DLGAP2: variants seen among roughly 807,000 people sequenced by gnomAD.
DLGAP2 encodes disks large-associated protein 2.
In DLGAP2, 26 loss-of-function variants were observed where a neutral mutation model predicts 100.3. The ratio of observed to expected loss-of-function variants is 0.26; its 90% confidence interval spans 0.19 to 0.36. DLGAP2 has a LOEUF of 0.36. Ranked by LOEUF, DLGAP2 falls within the 10% of genes least tolerant of loss-of-function variation. The pLI, the probability that DLGAP2 is intolerant of heterozygous loss-of-function variation, is 1.00. For missense variants in DLGAP2, 1,858 were observed against 1,453.2 expected (o/e 1.28, Z -4.53); for synonymous variants, 886 against 630.1 (o/e 1.41, Z -6.08).
At chr8:1,373,881 A>C (rs747203480) in intron 3 of DLGAP2, 1 of 152,348 alleles carries the variant, frequency 6.6e-6, no homozygotes, top group Admixed American at 6.5e-5. Context: ...TCCACAGTAC[A>C]TGAAGCGCGG....
intron 3 of DLGAP2, among the ~76,000 whole-genome samples, chr8:1,273,500 C>T (rs1010545663): frequency 5.3e-5 from 8 of 152,162 alleles, no homozygotes; most frequent in African/African-American, 1.7e-4. Flanking sequence ...CCAGGAGTCT[C>T]GAGCTGCGGC....
intron 2 of DLGAP2, among the ~76,000 whole-genome samples, chr8:1,189,673 G>T (rs1160750017): frequency 1.3e-5 from 2 of 152,210 alleles, no homozygotes; most frequent in Non-Finnish European, 2.9e-5. Context: ...ATCAATGACA[G>T]GGCCGAGTTT....
At chr8:1,583,696 C>T (rs1221019806) in intron 6 of DLGAP2, among the ~76,000 whole-genome samples, 1 of 152,158 alleles carries the variant, frequency 6.6e-6, no homozygotes, top group Non-Finnish European at 1.5e-5. Context: ...CTCACAGCTT[C>T]CTTCAGATCA....
At chr8:1,447,634 T>C (rs1269036390) in intron 3 of DLGAP2, among the ~76,000 whole-genome samples, 1 of 152,250 alleles carries the variant, frequency 6.6e-6, no homozygotes, top group African/African-American at 2.4e-5. Flanking sequence ...TCTTTTTCTA[T>C]TGATTGGAAT....
At chr8:845,995 T>A (rs1797064717) in intron 1 of DLGAP2, among the ~76,000 whole-genome samples, 1 of 152,232 alleles carries the variant, frequency 6.6e-6, no homozygotes, top group African/African-American at 2.4e-5. Flanking sequence ...TCGTAAACGT[T>A]TGTTATTTGT....
intron 8 of DLGAP2, among the ~76,000 whole-genome samples, chr8:1,644,629 A>T (rs865949018): frequency 6.6e-6 from 1 of 152,258 alleles, no homozygotes; most frequent in African/African-American, 2.4e-5. Flanking sequence ...CTCCAGCCAC[A>T]TAGCACATTT....
intron 3 of DLGAP2, among the ~76,000 whole-genome samples, chr8:1,338,309 G>T (rs994428255): frequency 6.6e-6 from 1 of 152,188 alleles, no homozygotes; most frequent in African/African-American, 2.4e-5. Context: ...CTGGCCAAGG[G>T]ATAAAGTGCA....
At chr8:757,531 G>C (rs867714743) in intron 1 of DLGAP2, among the ~76,000 whole-genome samples, 1 of 152,132 alleles carries the variant, frequency 6.6e-6, no homozygotes, top group Non-Finnish European at 1.5e-5. Context: ...ATGAGCCTTT[G>C]CTTCATTTGG....
Position 1,543,056 on chromosome 8 carries a change from TTGTC to T in DLGAP2, c.173-5568_173-5565del, listed in dbSNP as rs1303978577. 2.0e-5 allele frequency among the ~76,000 whole-genome samples: 3 copies of T among 152,338 alleles called. No individual in the cohort carries two copies. In the East Asian group the frequency reaches 5.8e-4, roughly 29 times the overall value. On this transcript the variant is annotated intron_variant, in intron 4 of 14. Transcript: ENST00000637795. ...CTATGCCCATTATTATTTGGATTAT[TTGTC>T]TTATTATAATGGAGTTGTCAGATTT...
chr8:1,643,520 A>C (rs868790238), intron 8 of DLGAP2, among the ~76,000 whole-genome samples: 15 of 12,270 alleles, frequency 1.2e-3, no homozygotes, highest in East Asian at 6.4e-3. Context: ...TCACCCTCGA[A>C]CCCGCCGGTC....
intron 4 of DLGAP2, among the ~76,000 whole-genome samples, chr8:1,536,259 ATGT>A (rs779146419): frequency 1.3e-5 from 2 of 152,092 alleles, no homozygotes; most frequent in East Asian, 1.9e-4. Context: ...TGGAGCAGTA[ATGT>A]TGTCATCTGC....
rs1354624657 is a variant in DLGAP2 at position 1,678,422 on chromosome 8, T to C, written c.2497T>C (p.Tyr833His). The C allele has an allele frequency of 6.8e-6, 11 of 1,613,664 alleles. No individual in the cohort carries two copies. Among genetic ancestry groups the C allele is most frequent in the East Asian group, 2.2e-5 (1 of 44,854 alleles). The change falls in exon 12 of 15, where the codon TAT becomes CAT. Residue 833 changes from tyrosine to histidine, a missense_variant. Tyr to His is a moderately conservative substitution (Grantham distance 83). Coordinates refer to ENST00000637795, the MANE Select transcript of DLGAP2 (RefSeq NM_001346810.2). ...GGGGCTCTTCAGCTATAGAGAAGAC[T>C]ATCGGACCCAAGTGGACACCTCCAC... ...TQGLFSYRED[Y>H]RTQVDTSTLP... is the part of the protein sequence containing the mutation.
chr8:1,041,827 C>T (rs1802361005), intron 2 of DLGAP2, among the ~76,000 whole-genome samples: 2 of 151,996 alleles, frequency 1.3e-5, no homozygotes, highest in Admixed American at 6.6e-5. Context: ...CTCCGAGCTC[C>T]TTGCCGTGGG....
chr8:759,209 AC>A, intron 1 of DLGAP2, among the ~76,000 whole-genome samples: 2 of 122,800 alleles, frequency 1.6e-5, no homozygotes, highest in Admixed American at 9.0e-5. Flanking sequence ...CATTATCAAT[AC>A]CCCCCACAGC....
At chr8:1,191,067 C>T (rs1006626004) in intron 2 of DLGAP2, among the ~76,000 whole-genome samples, 84 of 152,242 alleles carry the variant, frequency 5.5e-4, no homozygotes, top group African/African-American at 1.8e-3. Context: ...CGGGGAGAGG[C>T]TGGGTTCTGA....
At chr8:1,162,742 T>C (rs1298863190) in intron 2 of DLGAP2, among the ~76,000 whole-genome samples, 2 of 152,208 alleles carry the variant, frequency 1.3e-5, no homozygotes, top group African/African-American at 2.4e-5. Flanking sequence ...GATTCAGCCA[T>C]GGAGGCTGTG....
At chr8:1,431,650 G>A (rs188014690) in intron 3 of DLGAP2, among the ~76,000 whole-genome samples, 255 of 143,940 alleles carry the variant, frequency 1.8e-3, no homozygotes, top group South Asian at 4.1e-3. Flanking sequence ...TGATGAGACC[G>A]GGGCTTGTCC....
intron 4 of DLGAP2, among the ~76,000 whole-genome samples, chr8:1,506,943 G>A (rs1423234925): frequency 6.6e-6 from 1 of 152,196 alleles, no homozygotes; most frequent in Admixed American, 6.5e-5. Flanking sequence ...AGACATAAAA[G>A]TTCTCCAAGT....
At chr8:1,236,267 C>G (rs1311873087) in intron 2 of DLGAP2, among the ~76,000 whole-genome samples, 1 of 49,006 alleles carries the variant, frequency 2.0e-5, no homozygotes, top group South Asian at 6.5e-4. Flanking sequence ...CACATGGTGC[C>G]GTTTCTAGTT....
Sources: gnomAD v4.1 joint callset for allele counts (sites outside exome capture counted in the v4.1 genomes callset) on GRCh38, gnomAD v4.1.1 for gene constraint, MANE v1.5 for transcripts, NCBI Gene and HGNC (gene_info 2026-07-23, HGNC 2026-07-21) for gene names.